The following RAD51B variants were observed in gnomAD, a reference collection of about 807,000 sequenced individuals.
RAD51B encodes the protein RAD51 paralog B.
A neutral mutation model predicts 42.2 loss-of-function variants in RAD51B; 38 were observed. The ratio of observed to expected loss-of-function variants is 0.90; its 90% CI spans 0.70 to 1.18. The LOEUF is 1.18. Among genes scored for constraint, RAD51B ranks in the 50% most tolerant of loss-of-function variants. The pLI is 0.00. For synonymous variants in RAD51B, 154 were observed against 145.2 expected (o/e 1.06, Z -0.43); for missense variants, 373 against 400.7 (o/e 0.93, Z 0.59).
chr14:68,466,547 C>T (rs2085991915), intron 9 of RAD51B, among the ~76,000 whole-genome samples: 1 of 152,248 alleles, frequency 6.6e-6, no homozygotes, highest in Non-Finnish European at 1.5e-5. Flanking sequence ...CTGATGCTCT[C>T]TGAAGCCACC....
At chr14:67,864,916 T>TA in intron 4 of RAD51B, 87 bp from the exon 5 acceptor site, 1 of 1,421,124 alleles carries the variant, frequency 7.0e-7, no homozygotes. Context: ...GGCAAAGTCT[T>TA]AAAAGGATTT....
At chr14:68,159,389 C>T (rs1029203170) in intron 7 of RAD51B, among the ~76,000 whole-genome samples, 3 of 151,782 alleles carry the variant, frequency 2.0e-5, no homozygotes, top group Non-Finnish European at 4.4e-5. Context: ...TGGGAGGCTG[C>T]GGTGGGCGGA....
intron 7 of RAD51B, among the ~76,000 whole-genome samples, chr14:68,002,773 A>G (rs976211932): frequency 6.6e-6 from 1 of 152,174 alleles, no homozygotes; most frequent in Non-Finnish European, 1.5e-5. Context: ...AGCACCACCT[A>G]TTAAATAGGG....
intron 8 of RAD51B, among the ~76,000 whole-genome samples, chr14:68,371,441 G>A (rs892525754): frequency 6.6e-6 from 1 of 152,064 alleles, no homozygotes; most frequent in African/African-American, 2.4e-5. Flanking sequence ...TTGCTTGAAC[G>A]CGGGAGGCGG....
At chr14:68,088,859 A>G (rs2077043911) in intron 7 of RAD51B, among the ~76,000 whole-genome samples, 2 of 152,026 alleles carry the variant, frequency 1.3e-5, no homozygotes, top group Non-Finnish European at 1.5e-5. Context: ...AACTTTGAAC[A>G]CCTTAAATGC....
intron 11 of RAD51B, among the ~76,000 whole-genome samples, chr14:68,669,987 C>A (rs1893120092): frequency 6.6e-6 from 1 of 152,148 alleles, no homozygotes; most frequent in Non-Finnish European, 1.5e-5. Context: ...AGATTAATGG[C>A]ACGGAAGTCC....
chr14:68,613,614 C>T (rs1010618670), downstream of RAD51B, among the ~76,000 whole-genome samples: 7 of 151,822 alleles, frequency 4.6e-5, no homozygotes, highest in African/African-American at 7.3e-5. Flanking sequence ...CCACCACACC[C>T]GGCTAGTTTT....
intron 7 of RAD51B, among the ~76,000 whole-genome samples, chr14:68,098,834 A>G (rs1483367309): frequency 6.6e-6 from 1 of 152,206 alleles, no homozygotes; most frequent in Non-Finnish European, 1.5e-5. Flanking sequence ...AGGCATATCT[A>G]AAGAGGGAGC....
At chr14:67,939,111 A>G (rs2045064478) in intron 7 of RAD51B, among the ~76,000 whole-genome samples, 1 of 152,178 alleles carries the variant, frequency 6.6e-6, no homozygotes, top group South Asian at 2.1e-4. Flanking sequence ...AGTAAGAAAT[A>G]ATTTCATATC....
intron 7 of RAD51B, among the ~76,000 whole-genome samples, chr14:68,270,727 T>G (rs942648134): frequency 7.2e-5 from 11 of 152,230 alleles, no homozygotes; most frequent in Non-Finnish European, 1.6e-4. Context: ...TATTTAGCTC[T>G]CTCTCTGTCT....
intron 10 of RAD51B, among the ~76,000 whole-genome samples, chr14:68,582,393 CAT>C (rs1890248997): frequency 6.6e-6 from 1 of 152,302 alleles, no homozygotes; most frequent in Admixed American, 6.5e-5. Flanking sequence ...GGTCAACAAA[CAT>C]ATGGAAAAAA....
intron 7 of RAD51B, among the ~76,000 whole-genome samples, chr14:68,224,909 TCTTGAA>T (rs2080005506): frequency 6.6e-6 from 1 of 152,118 alleles, no homozygotes; most frequent in Non-Finnish European, 1.5e-5. Flanking sequence ...ACCAGGCTGG[TCTTGAA>T]CTCCTGATCT....
intron 7 of RAD51B, among the ~76,000 whole-genome samples, chr14:68,224,502 G>A (rs1044562141): frequency 6.6e-6 from 1 of 151,916 alleles, no homozygotes; most frequent in African/African-American, 2.4e-5. Flanking sequence ...TATCACCTTT[G>A]TGAAAAGCCT....
intron 5 of RAD51B, among the ~76,000 whole-genome samples, chr14:67,865,972 A>G (rs914651403): frequency 3.9e-5 from 6 of 152,234 alleles, no homozygotes; most frequent in Non-Finnish European, 8.8e-5. Context: ...TCACTGGGGT[A>G]CTTTCTGATG....
At chr14:68,651,965 A>G (rs2064825) in intron 11 of RAD51B, among the ~76,000 whole-genome samples, 136,676 of 152,144 alleles carry the variant, frequency 0.9, 61,561 homozygotes, top group African/African-American at 0.96. Flanking sequence ...TCTTGGTGGG[A>G]AGCACAGGGC....
At chr14:68,347,255 T>C (rs1228004261) in intron 8 of RAD51B, among the ~76,000 whole-genome samples, 1 of 152,250 alleles carries the variant, frequency 6.6e-6, no homozygotes, top group Non-Finnish European at 1.5e-5. Flanking sequence ...AAATGCATAT[T>C]TACCTATGCA....
chr14:68,586,978 G>A (rs967776968), intron 10 of RAD51B, among the ~76,000 whole-genome samples: 10 of 151,656 alleles, frequency 6.6e-5, no homozygotes, highest in African/African-American at 1.5e-4. Flanking sequence ...GCAGTGAGCC[G>A]AGATCGCGCC....
At chr14:68,408,470 G>A (rs951153439) in intron 8 of RAD51B, among the ~76,000 whole-genome samples, 2 of 152,162 alleles carry the variant, frequency 1.3e-5, no homozygotes, top group South Asian at 2.1e-4. Context: ...CAAAGGTTGC[G>A]ACAAAGGCGT....
At chr14:68,367,826 G>A (rs2139937359) in intron 8 of RAD51B, among the ~76,000 whole-genome samples, 1 of 152,278 alleles carries the variant, frequency 6.6e-6, no homozygotes, top group South Asian at 2.1e-4. Context: ...ATTAGTGATG[G>A]ACACAAAGTG....
Sources: gnomAD v4.1 joint callset for allele counts (sites outside exome capture counted in the v4.1 genomes callset) on GRCh38, gnomAD v4.1.1 for gene constraint, MANE v1.5 for transcripts, NCBI Gene and HGNC (gene_info 2026-07-23, HGNC 2026-07-21) for gene names.